TENM3: variants seen among roughly 807,000 people sequenced by gnomAD.
TENM3 encodes the protein teneurin-3.
In TENM3, 63 loss-of-function variants were observed where a neutral mutation model predicts 255.1. The ratio of observed to expected loss-of-function variants is 0.25; its 90% CI spans 0.20 to 0.30. The LOEUF (loss-of-function observed/expected upper bound fraction) is 0.30, where lower values mean the gene tolerates loss of function less well. Among genes scored for constraint, TENM3 ranks in the 10% least tolerant of loss-of-function variants. TENM3 has a pLI of 1.00. For synonymous variants in TENM3, 1,306 were observed against 1,322.3 expected, an observed-to-expected ratio of 0.99 and a Z score of 0.27; for missense variants, 2,929 against 3,461.1, an observed-to-expected ratio of 0.85 and a Z score of 3.86.
the TENM3 span, among the ~76,000 whole-genome samples, chr4:181,457,220 C>A: frequency 7.8e-4 from 118 of 151,804 alleles, no homozygotes; most frequent in African/African-American, 2.6e-3. Context: ...TTAATAATTT[C>A]TTAATATTTA....
At chr4:182,731,447 G>A (rs1356732713) in intron 16 of TENM3, among the ~76,000 whole-genome samples, 1 of 151,780 alleles carries the variant, frequency 6.6e-6, no homozygotes, top group Non-Finnish European at 1.5e-5. Context: ...GGCAGAGGTT[G>A]CAGTGAGCCG....
chr4:182,664,046 T>G (rs1754441316), intron 6 of TENM3, among the ~76,000 whole-genome samples: 1 of 152,222 alleles, frequency 6.6e-6, no homozygotes, highest in African/African-American at 2.4e-5. Flanking sequence ...AATTCACCTT[T>G]GATACTATAA....
intron 1 of TENM3, among the ~76,000 whole-genome samples, chr4:182,251,647 A>G (rs147124077): frequency 3.5e-4 from 53 of 152,324 alleles, no homozygotes; most frequent in Middle Eastern, 3.4e-3. Context: ...TTGTTTAGTA[A>G]TCACTAGAAT....
chr4:182,159,266 T>C (rs1050287666), intron 1 of TENM3, among the ~76,000 whole-genome samples: 2 of 152,144 alleles, frequency 1.3e-5, no homozygotes, highest in Non-Finnish European at 2.9e-5. Context: ...GTGGAGGGTG[T>C]TGGAATTGAA....
At chr4:182,253,542 G>A (rs1758179463) in intron 1 of TENM3, among the ~76,000 whole-genome samples, 1 of 152,074 alleles carries the variant, frequency 6.6e-6, no homozygotes, top group Admixed American at 6.6e-5. Flanking sequence ...CAGGCTTCAG[G>A]CTGAATAGAC....
At chr4:181,780,868 T>A in the TENM3 span, among the ~76,000 whole-genome samples, 1 of 152,234 alleles carries the variant, frequency 6.6e-6, no homozygotes, top group African/African-American at 2.4e-5. Flanking sequence ...GCACCATTTA[T>A]TAAATAGGGA....
chr4:182,579,723 A>G (rs1283014910), intron 3 of TENM3, among the ~76,000 whole-genome samples: 1 of 152,024 alleles, frequency 6.6e-6, no homozygotes, highest in African/African-American at 2.4e-5. Context: ...TTCCGCCAAT[A>G]TGGATTAATT....
the TENM3 span, among the ~76,000 whole-genome samples, chr4:181,917,274 A>G: frequency 6.6e-6 from 1 of 152,234 alleles, no homozygotes; most frequent in Non-Finnish European, 1.5e-5. Context: ...CGGTAGGTAT[A>G]GGAAAAAGAA....
chr4:182,096,170 T>A, the TENM3 span, among the ~76,000 whole-genome samples: 7 of 151,356 alleles, frequency 4.6e-5, no homozygotes, highest in Non-Finnish European at 7.4e-5. Flanking sequence ...ACATTTTATA[T>A]TAGGTAATAT....
the TENM3 span, among the ~76,000 whole-genome samples, chr4:181,527,128 C>T: frequency 1.3e-5 from 2 of 152,142 alleles, no homozygotes; most frequent in Non-Finnish European, 2.9e-5. Flanking sequence ...TCCACAATTG[C>T]AAAACAGTTC....
At chr4:182,328,020 T>A (rs1763520229) in intron 2 of TENM3, among the ~76,000 whole-genome samples, 1 of 152,176 alleles carries the variant, frequency 6.6e-6, no homozygotes, top group Non-Finnish European at 1.5e-5. Flanking sequence ...AAAGAGACGA[T>A]GTCTGGAAGT....
chr4:181,869,163 G>T, the TENM3 span, among the ~76,000 whole-genome samples: 1 of 151,924 alleles, frequency 6.6e-6, no homozygotes, highest in Non-Finnish European at 1.5e-5. Context: ...TTATTAATCT[G>T]CAAATCACAG....
At chr4:181,895,173 A>G in the TENM3 span, among the ~76,000 whole-genome samples, 1 of 152,040 alleles carries the variant, frequency 6.6e-6, no homozygotes, top group Admixed American at 6.5e-5. Context: ...ATAAATACGT[A>G]TTAACTGTTG....
At chr4:181,594,484 C>T in the TENM3 span, among the ~76,000 whole-genome samples, 1 of 152,240 alleles carries the variant, frequency 6.6e-6, no homozygotes, top group East Asian at 1.9e-4. Flanking sequence ...GTGTTCCAAA[C>T]AAAACAGCCT....
At chr4:182,007,046 G>C in the TENM3 span, among the ~76,000 whole-genome samples, 2 of 152,284 alleles carry the variant, frequency 1.3e-5, no homozygotes, top group East Asian at 3.9e-4. Context: ...TTTTGAGTGA[G>C]TTTCTTAATC....
intron 2 of TENM3, among the ~76,000 whole-genome samples, chr4:182,338,977 C>T (rs1002585242): frequency 7.2e-5 from 11 of 152,128 alleles, no homozygotes; most frequent in African/African-American, 2.7e-4. Context: ...ATGGTCCTAC[C>T]ATTCAGTACT....
chr4:182,323,842 A>T (rs1763216457), intron 1 of TENM3, 104 bp from the exon 2 acceptor site: 2 of 599,496 alleles, frequency 3.3e-6, no homozygotes, highest in Non-Finnish European at 5.9e-6. Context: ...TTCCTAGATA[A>T]GCAATACTAT....
intron 1 of TENM3, among the ~76,000 whole-genome samples, chr4:182,280,687 C>T (rs941454793): frequency 6.6e-6 from 1 of 152,154 alleles, no homozygotes; most frequent in African/African-American, 2.4e-5. Context: ...AGACAGACAC[C>T]TCTGTGCTGA....
At chr4:181,617,163 C>T in the TENM3 span, among the ~76,000 whole-genome samples, 1 of 152,004 alleles carries the variant, frequency 6.6e-6, no homozygotes, top group African/African-American at 2.4e-5. Flanking sequence ...ATAGATGGTC[C>T]AGTGGAATTT....
Sources: gnomAD v4.1 joint callset for allele counts (sites outside exome capture counted in the v4.1 genomes callset) on GRCh38, gnomAD v4.1.1 for gene constraint, MANE v1.5 for transcripts, NCBI Gene and HGNC (gene_info 2026-07-23, HGNC 2026-07-21) for gene names.